SNTG1: variants seen among roughly 807,000 people sequenced by gnomAD.
SNTG1 encodes the protein syntrophin gamma 1, also known as gamma-1-syntrophin.
Under a neutral mutation model 74.7 loss-of-function variants are expected in SNTG1, and 39 were observed. The ratio of observed to expected loss-of-function variants is 0.52; its 90% CI spans 0.40 to 0.68. The LOEUF is 0.68. Ranked by LOEUF, SNTG1 falls within the 30% of genes least tolerant of loss-of-function variation. The pLI, the probability that SNTG1 is intolerant of heterozygous loss-of-function variation, is 0.00. For synonymous variants in SNTG1, 254 were observed against 217.1 expected, an observed-to-expected ratio of 1.17 and a Z score of -1.49; for missense variants, 685 against 609.5, an observed-to-expected ratio of 1.12 and a Z score of -1.30.
intron 1 of SNTG1, among the ~76,000 whole-genome samples, chr8:50,150,888 C>T (rs1394464951): frequency 1.3e-5 from 2 of 152,140 alleles, no homozygotes; most frequent in African/African-American, 2.4e-5. Flanking sequence ...TGTTGTGTCT[C>T]TGCCAGGCTT....
rs1163392927 is a variant in SNTG1 at position 50,167,163 on chromosome 8, C to T, written c.-102-5398C>T. Among the ~76,000 whole-genome samples the T allele has an allele frequency of 2.9e-4, 42 of 145,722 alleles. 1 individual carries two copies. Among genetic ancestry groups the T allele is most frequent in the African/African-American group, 9.6e-4 (37 of 38,364 alleles). Reference sequence around the variant, plus strand: ...GGGAGGGATAGCATTGGGAGATATACCTAATGCTAGATGACACGTTAGTGG... The same window carrying T: ...GGGAGGGATAGCATTGGGAGATATATCTAATGCTAGATGACACGTTAGTGG... On this transcript the variant is annotated intron_variant, in intron 1 of 18. Coordinates refer to ENST00000642720, the MANE Select transcript of SNTG1 (RefSeq NM_018967.5).
intron 12 of SNTG1, among the ~76,000 whole-genome samples, chr8:50,590,614 G>A (rs1045607826): frequency 2.0e-5 from 3 of 151,928 alleles, no homozygotes; most frequent in African/African-American, 7.3e-5. Context: ...TTTGAACACA[G>A]GCTTTTGGTT....
At chr8:50,556,031 A>T (rs58569505) in intron 12 of SNTG1, among the ~76,000 whole-genome samples, 3,474 of 152,276 alleles carry the variant, frequency 0.023, 129 homozygotes, top group African/African-American at 0.079. Flanking sequence ...CCCAGTTTTT[A>T]AAAATTCTAT....
At chr8:50,115,648 G>C (rs984434770) in intron 1 of SNTG1, among the ~76,000 whole-genome samples, 2 of 150,404 alleles carry the variant, frequency 1.3e-5, no homozygotes, top group African/African-American at 4.9e-5. Context: ...AAGGAGACAA[G>C]TGATGACAAA....
intron 4 of SNTG1, among the ~76,000 whole-genome samples, chr8:50,409,718 T>C (rs994166907): frequency 7.9e-5 from 12 of 152,204 alleles, no homozygotes; most frequent in African/African-American, 2.7e-4. Context: ...TACCCTTCAA[T>C]GGGCCCTGAA....
At chr8:50,506,339 T>C (rs1415542695) in intron 9 of SNTG1, among the ~76,000 whole-genome samples, 1 of 152,032 alleles carries the variant, frequency 6.6e-6, no homozygotes, top group East Asian at 1.9e-4. Context: ...TTCGTTGAGG[T>C]TTTGTATGAA....
At chr8:50,120,853 A>G (rs2080974074) in intron 1 of SNTG1, among the ~76,000 whole-genome samples, 1 of 142,228 alleles carries the variant, frequency 7.0e-6, no homozygotes, top group African/African-American at 2.5e-5. Context: ...ATTATATGGT[A>G]GATATTAAAT....
At chr8:50,658,136 AT>A (rs558434097) in intron 14 of SNTG1, among the ~76,000 whole-genome samples, 5 of 152,280 alleles carry the variant, frequency 3.3e-5, no homozygotes, top group African/African-American at 1.2e-4. Context: ...AAATAACTGC[AT>A]TATGCTTTGG....
intron 1 of SNTG1, among the ~76,000 whole-genome samples, chr8:50,161,494 C>A (rs1350337913): frequency 1.3e-5 from 2 of 152,160 alleles, no homozygotes; most frequent in Admixed American, 6.5e-5. Context: ...GAAAGACAGG[C>A]ATGTTTTCGT....
chr8:50,525,643 T>A (rs2094214040), intron 9 of SNTG1, among the ~76,000 whole-genome samples: 1 of 152,010 alleles, frequency 6.6e-6, no homozygotes, highest in African/African-American at 2.4e-5. Context: ...CTATTGATTA[T>A]CTCTAGTGAA....
intron 1 of SNTG1, among the ~76,000 whole-genome samples, chr8:49,955,298 T>C (rs1810054486): frequency 6.6e-6 from 1 of 152,238 alleles, no homozygotes; most frequent in Non-Finnish European, 1.5e-5. Context: ...TCTCATTAGA[T>C]TGCATTCATG....
rs570765079 is a variant in SNTG1 at position 50,003,487 on chromosome 8, C to T, written c.-103+91256C>T. ...AAATTCTTGAACTGAAAACATTCTA[C>T]TTTATTTAATTTAAAAGATAAATTT... is the stretch of plus-strand genomic sequence containing the variant. On this transcript the variant is annotated intron_variant, in intron 1 of 18. Coordinates refer to ENST00000642720, the MANE Select transcript of SNTG1 (RefSeq NM_018967.5). Among the ~76,000 whole-genome samples, 187 of 152,122 alleles carry T rather than the reference C, an allele frequency of 1.2e-3. 1 individual carries two copies. The highest frequency in any genetic ancestry group is 4.2e-3 in the African/African-American group (175 of 41,508).
intron 2 of SNTG1, among the ~76,000 whole-genome samples, chr8:50,269,039 A>G (rs2087634648): frequency 6.6e-6 from 1 of 152,162 alleles, no homozygotes. Flanking sequence ...GAGCAGTTAG[A>G]TTTAGTGGGC....
At chr8:50,066,563 C>T (rs765430039) in intron 1 of SNTG1, among the ~76,000 whole-genome samples, 3 of 152,042 alleles carry the variant, frequency 2.0e-5, no homozygotes, top group Non-Finnish European at 2.9e-5. Flanking sequence ...CATTTTTGTG[C>T]GTTTGTATAT....
chr8:50,201,822 C>T (rs1411959600), intron 2 of SNTG1, among the ~76,000 whole-genome samples: 1 of 151,974 alleles, frequency 6.6e-6, no homozygotes, highest in Non-Finnish European at 1.5e-5. Flanking sequence ...ATACCAATGA[C>T]CTCAACTCTC....
intron 2 of SNTG1, among the ~76,000 whole-genome samples, chr8:50,313,652 T>C (rs920686309): frequency 6.7e-6 from 1 of 150,174 alleles, no homozygotes; most frequent in Non-Finnish European, 1.5e-5. Flanking sequence ...CAGTTTATTT[T>C]ATAATGCCAA....
chr8:49,975,711 C>T (rs1290026236), intron 1 of SNTG1, among the ~76,000 whole-genome samples: 1 of 151,778 alleles, frequency 6.6e-6, no homozygotes, highest in African/African-American at 2.4e-5. Flanking sequence ...AAAGATTTCT[C>T]CTGTTTTAAA....
At chr8:50,417,654 T>C (rs556509086) in intron 4 of SNTG1, among the ~76,000 whole-genome samples, 41 of 152,150 alleles carry the variant, frequency 2.7e-4, no homozygotes, top group Non-Finnish European at 5.0e-4. Flanking sequence ...TAGATGACAA[T>C]GTCGTATCAA....
At chr8:50,455,850 C>G (rs867094097) in intron 8 of SNTG1, among the ~76,000 whole-genome samples, 1 of 152,134 alleles carries the variant, frequency 6.6e-6, no homozygotes, top group Non-Finnish European at 1.5e-5. Context: ...TAACTGCTAA[C>G]GATTACATTG....
Sources: allele counts gnomAD v4.1 joint callset (sites outside exome capture counted in the v4.1 genomes callset), GRCh38; gene constraint gnomAD v4.1.1; transcripts MANE v1.5; gene names NCBI Gene and HGNC (gene_info 2026-07-23, HGNC 2026-07-21).